Variants in POU6F2 observed in about 807,000 individuals in gnomAD.
POU6F2 encodes the protein POU domain, class 6, transcription factor 2.
In POU6F2, 31 loss-of-function variants were observed where a neutral mutation model predicts 71.3. The observed-to-expected ratio is 0.43, with a 90% CI of 0.33 to 0.59. POU6F2 has a LOEUF of 0.59. Ranked by LOEUF, POU6F2 falls within the 20% of genes least tolerant of loss-of-function variation. The pLI is 0.04. For missense variants in POU6F2, 783 were observed against 856.8 expected, an observed-to-expected ratio of 0.91 and a Z score of 1.07; for synonymous variants, 347 against 355.7, an observed-to-expected ratio of 0.98 and a Z score of 0.27.
intron 4 of POU6F2, among the ~76,000 whole-genome samples, chr7:39,214,361 C>G (rs529652990): frequency 6.6e-6 from 1 of 152,268 alleles, no homozygotes; most frequent in African/African-American, 2.4e-5. Flanking sequence ...ACTCCTGTCT[C>G]CCTTACTCGC....
intron 2 of POU6F2, among the ~76,000 whole-genome samples, chr7:39,124,047 C>A (rs559240793): frequency 5.0e-5 from 3 of 60,446 alleles, no homozygotes; most frequent in African/African-American, 2.0e-4. Flanking sequence ...ATAGACTGGG[C>A]CTTTTTTTTT....
chr7:39,188,388 C>T (rs1174314540), intron 2 of POU6F2, among the ~76,000 whole-genome samples: 1 of 152,174 alleles, frequency 6.6e-6, no homozygotes, highest in Non-Finnish European at 1.5e-5. Context: ...TCTTGGCTCA[C>T]TACAACTTCC....
intron 4 of POU6F2, among the ~76,000 whole-genome samples, chr7:39,280,225 T>G (rs1005095599): frequency 3.3e-5 from 5 of 152,204 alleles, no homozygotes; most frequent in African/African-American, 1.2e-4. Flanking sequence ...TGACATATAA[T>G]AAATGCAAAG....
At chr7:39,377,358 T>G (rs1786730638) in intron 5 of POU6F2, among the ~76,000 whole-genome samples, 1 of 152,136 alleles carries the variant, frequency 6.6e-6, no homozygotes, top group African/African-American at 2.4e-5. Context: ...CTTGAACTCC[T>G]GACCTCAGGT....
At chr7:39,057,129 C>T (rs1584520766) in intron 1 of POU6F2, among the ~76,000 whole-genome samples, 1 of 152,216 alleles carries the variant, frequency 6.6e-6, no homozygotes, top group East Asian at 1.9e-4. Context: ...CTTTCCTTAT[C>T]ACATTAAACT....
intron 1 of POU6F2, among the ~76,000 whole-genome samples, chr7:39,036,346 A>G (rs950377451): frequency 6.6e-6 from 1 of 152,194 alleles, no homozygotes; most frequent in Non-Finnish European, 1.5e-5. Context: ...CTTTTAGAAT[A>G]TGCTTCCATT....
intron 1 of POU6F2, among the ~76,000 whole-genome samples, chr7:39,027,643 A>G (rs991358175): frequency 1.3e-5 from 2 of 152,212 alleles, no homozygotes; most frequent in East Asian, 3.8e-4. Context: ...CATGTGGGAC[A>G]ATGTATAAAC....
At chr7:39,029,344 G>A (rs917519768) in intron 1 of POU6F2, among the ~76,000 whole-genome samples, 3 of 151,726 alleles carry the variant, frequency 2.0e-5, no homozygotes, top group African/African-American at 7.3e-5. Context: ...CCTACTGTTG[G>A]TACTTTTACT....
At chr7:39,032,075 T>G (rs1316848228) in intron 1 of POU6F2, among the ~76,000 whole-genome samples, 1 of 152,214 alleles carries the variant, frequency 6.6e-6, no homozygotes, top group African/African-American at 2.4e-5. Context: ...GGATGGCACC[T>G]TTCTCCAAAA....
At chr7:39,187,813 A>C (rs1793575467) in intron 2 of POU6F2, among the ~76,000 whole-genome samples, 1 of 152,154 alleles carries the variant, frequency 6.6e-6, no homozygotes, top group South Asian at 2.1e-4. Flanking sequence ...AGCTCAGAGG[A>C]GTTTTTAGAT....
intron 2 of POU6F2, among the ~76,000 whole-genome samples, chr7:39,133,524 G>A (rs1212151270): frequency 6.6e-6 from 1 of 152,184 alleles, no homozygotes; most frequent in Non-Finnish European, 1.5e-5. Flanking sequence ...CAAGAATTTG[G>A]ATAAGAAATG....
At chr7:39,256,600 C>T (rs1347463548) in intron 4 of POU6F2, among the ~76,000 whole-genome samples, 2 of 152,156 alleles carry the variant, frequency 1.3e-5, no homozygotes, top group African/African-American at 4.8e-5. Flanking sequence ...CTAATCTGCT[C>T]ACCTTAAAGT....
intron 1 of POU6F2, 125 bp downstream of exon 1, chr7:38,978,183 T>G (rs547758021): frequency 6.6e-6 from 1 of 152,330 alleles, no homozygotes; most frequent in African/African-American, 2.4e-5. Flanking sequence ...AGTGTAGTGC[T>G]GAAAGTGCGA....
intron 5 of POU6F2, among the ~76,000 whole-genome samples, chr7:39,389,436 C>T (rs548740563): frequency 1.0e-3 from 158 of 152,190 alleles, no homozygotes; most frequent in Admixed American, 2.6e-3. Context: ...ATATAAACTT[C>T]TTCAGTTCTG....
Position 39,211,487 on chromosome 7 carries a change from A to G in POU6F2, c.598+3867A>G, listed in dbSNP as rs539627389. On this transcript the variant is annotated intron_variant, in intron 4 of 9. Transcript: ENST00000518318. ...AGTCCTTGCTCTGAGATTTTATCCA[A>G]TGAAAGTTTTGCTTTGCTGATAAAA... 2.6e-5 allele frequency among the ~76,000 whole-genome samples: 4 copies of G among 152,332 alleles called. No individual in the cohort carries two copies. In the South Asian group the frequency reaches 8.3e-4, roughly 32 times the overall value.
At chr7:39,064,208 G>A (rs1335803849) in intron 1 of POU6F2, among the ~76,000 whole-genome samples, 1 of 151,872 alleles carries the variant, frequency 6.6e-6, no homozygotes, top group Non-Finnish European at 1.5e-5. Flanking sequence ...TATAATAATA[G>A]TAAATTTGAT....
chr7:39,339,600 T>C (rs536965040), intron 4 of POU6F2, 42 bp from the exon 5 acceptor site: 2 of 1,541,684 alleles, frequency 1.3e-6, no homozygotes, highest in African/African-American at 2.7e-5. Context: ...CAAGACACTT[T>C]GTCATGTTAT....
At chr7:39,239,650 A>C (rs531819847) in intron 4 of POU6F2, among the ~76,000 whole-genome samples, 7 of 152,238 alleles carry the variant, frequency 4.6e-5, no homozygotes, top group Non-Finnish European at 7.4e-5. Flanking sequence ...ATGAGGATTA[A>C]ATAAAATTAC....
At chr7:39,446,371 C>A (rs1425743790) in intron 7 of POU6F2, among the ~76,000 whole-genome samples, 5 of 152,222 alleles carry the variant, frequency 3.3e-5, no homozygotes, top group Admixed American at 1.3e-4. Flanking sequence ...TTTGAATTTT[C>A]TGTTTATATG....
Sources: allele counts gnomAD v4.1 joint callset (sites outside exome capture counted in the v4.1 genomes callset), GRCh38; gene constraint gnomAD v4.1.1; transcripts MANE v1.5; gene names NCBI Gene and HGNC (gene_info 2026-07-23, HGNC 2026-07-21).